Variants in SH2B3 observed in about 807,000 individuals in gnomAD.
The protein encoded by SH2B3 is SH2B adaptor protein 3.
Under a neutral mutation model 51.9 loss-of-function variants are expected in SH2B3, and 43 were observed. The observed-to-expected ratio is 0.83, with a 90% CI of 0.65 to 1.07. SH2B3 has a LOEUF of 1.07. Ranked by LOEUF, SH2B3 falls within the 50% of genes least tolerant of loss-of-function variation. SH2B3 has a pLI of 0.00. For synonymous variants in SH2B3, 396 were observed against 376.0 expected, an observed-to-expected ratio of 1.05 and a Z score of -0.62; for missense variants, 952 against 834.3, an observed-to-expected ratio of 1.14 and a Z score of -1.74.
chr12:111,417,200 G>A (rs941769367), intron 1 of SH2B3, among the ~76,000 whole-genome samples: 27 of 152,146 alleles, frequency 1.8e-4, no homozygotes, highest in African/African-American at 6.3e-4. Flanking sequence ...TCCAGCTGGT[G>A]GGCATTTAGG....
chr12:111,412,210 C>T (rs569144212), intron 1 of SH2B3, among the ~76,000 whole-genome samples: 1 of 152,198 alleles, frequency 6.6e-6, no homozygotes, highest in Non-Finnish European at 1.5e-5. Flanking sequence ...ACATAGTAAG[C>T]ACTCAATAAA....
rs969455453 is a variant in SH2B3, at chr12:111,435,075, A to G, written c.733-11678A>G. 9 of 1,449,808 alleles carry G rather than the reference A, an allele frequency of 6.2e-6. No homozygotes were observed. The highest frequency in any genetic ancestry group is 8.4e-6 in the Non-Finnish European group (9 of 1,070,814). 89.8% of individuals were successfully genotyped at this position (1,449,808 alleles called of 1,614,324 possible). A position where few individuals can be genotyped will look rare whatever the true frequency, so the allele number is the denominator to read the frequency against. ...TGGGGCTTTGGGGATCTTGGTGGTG[A>G]TGAGTCCCCTCTCCTCTGGTGCACT... On this transcript the variant is annotated intron_variant, in intron 2 of 7. Coordinates refer to ENST00000341259, the MANE Select transcript of SH2B3 (RefSeq NM_005475.3). The surrounding 1 kb of genome is among the most constrained non-coding windows in gnomAD (Gnocchi z 4.8).
chr12:111,443,145 C>T (rs1055402792), intron 2 of SH2B3, among the ~76,000 whole-genome samples: 16 of 152,250 alleles, frequency 1.1e-4, no homozygotes, highest in African/African-American at 1.7e-4. Context: ...GGTCTGTTGC[C>T]TCCAGCCCGT....
At chr12:111,421,401 CTTTTTTTTTT>C in intron 2 of SH2B3, among the ~76,000 whole-genome samples, 1 of 90,642 alleles carries the variant, frequency 1.1e-5, no homozygotes, top group Admixed American at 1.1e-4. Flanking sequence ...TAGTGTCTTC[CTTTTTTTTTT>C]TTTTTTTTTT....
At position 111,418,492 on chromosome 12, in the gene SH2B3, C is replaced by T. The variant is rs1871265366; in HGVS notation, c.347C>T (p.Pro116Leu). 1 of 1,373,612 alleles carries T rather than the reference C, an allele frequency of 7.3e-7. No homozygotes were observed. Among genetic ancestry groups the T allele is most frequent in the African/African-American group, 1.6e-5 (1 of 64,238 alleles). The allele number at this position is 1,373,612 out of a possible 1,614,324, so 85.1% of individuals were successfully genotyped here. A position where few individuals can be genotyped will look rare whatever the true frequency, so the allele number is the denominator to read the frequency against. ...CCCGGCCCCGCCGCCCCTGGCCTGCCCAAGGCCCGCAGCTCTGAGGAGCTG... is the reference window on the plus strand; with the variant it reads ...CCCGGCCCCGCCGCCCCTGGCCTGCTCAAGGCCCGCAGCTCTGAGGAGCTG... ...PGPGPAAPGL[P>L]KARSSEELAP... Residue 116 changes from proline (P) to leucine (L), a missense_variant, in exon 2 of 8, where the codon CCC becomes CTC. Coordinates refer to ENST00000341259, the MANE Select transcript of SH2B3 (RefSeq NM_005475.3). This position sits in a 1 kb window ranked among gnomAD's most constrained non-coding sequence, Gnocchi z 6.7.
At chr12:111,424,805 T>C (rs1335075280) in intron 2 of SH2B3, among the ~76,000 whole-genome samples, 5 of 152,168 alleles carry the variant, frequency 3.3e-5, no homozygotes, top group Non-Finnish European at 7.4e-5. Context: ...TCAACTGTGA[T>C]CCCTGACCTC....
Position 111,450,991 on chromosome 12 carries a change from C to T in SH2B3, c.*2689C>T, listed in dbSNP as rs1348925769. ...AACTGGACAGTAGACATCATGATCC[C>T]TCCAGTTAGCTCTAATTACAGACCC... On this transcript the variant is annotated 3_prime_UTR_variant, in exon 8 of 8. Coordinates refer to ENST00000341259, the MANE Select transcript of SH2B3 (RefSeq NM_005475.3). 2 of 152,668 alleles carry T rather than the reference C, an allele frequency of 1.3e-5. No individual in the cohort carries two copies. The highest frequency in any genetic ancestry group is 4.8e-5 in the African/African-American group (2 of 41,436). 9.5% of individuals were successfully genotyped at this position (152,668 alleles called of 1,614,324 possible).
At position 111,447,547 on chromosome 12, in the gene SH2B3, ATGGGGTGGGG is replaced by A. The variant is rs111340708; in HGVS notation, c.1236+19_1236+28del. On this transcript the variant is annotated splice_donor_5th_base_variant and intron_variant, in intron 6 of 7. Coordinates refer to ENST00000341259, the MANE Select transcript of SH2B3 (RefSeq NM_005475.3). ...TCAACTTTCAGGGGATAGCCAAGGT[ATGGGGTGGGG>A]TGGGGTGGGGTGGGGCAGGCAGGAC... 1,850 of 586,872 alleles carry A rather than the reference ATGGGGTGGGG, an allele frequency of 3.2e-3. 28 individuals carry two copies. The highest frequency in any genetic ancestry group is 6.4e-3 in the South Asian group (360 of 55,956). 36.4% of individuals were successfully genotyped at this position (586,872 alleles called of 1,614,324 possible). A position where few individuals can be genotyped will look rare whatever the true frequency, so the allele number is the denominator to read the frequency against.
At position 111,435,228 on chromosome 12, in the gene SH2B3, G is replaced by C. The variant is rs1268364371; in HGVS notation, c.733-11525G>C. ...GAGCTGGTCCTGGCTTTGTGGCAGGGGGATGGGCCGTCGGTGCCCCATTCA... is the reference window on the plus strand; with the variant it reads ...GAGCTGGTCCTGGCTTTGTGGCAGGCGGATGGGCCGTCGGTGCCCCATTCA... On this transcript the variant is annotated intron_variant, in intron 2 of 7. Coordinates refer to ENST00000341259, the MANE Select transcript of SH2B3 (RefSeq NM_005475.3). This position sits in a 1 kb window ranked among gnomAD's most constrained non-coding sequence, Gnocchi z 4.8. 6.6e-6 allele frequency among the ~76,000 whole-genome samples: 1 copy of C among 152,226 alleles called. No individual in the cohort carries two copies. The highest frequency in any genetic ancestry group is 6.5e-5 in the Admixed American group (1 of 15,280).
intron 2 of SH2B3, among the ~76,000 whole-genome samples, chr12:111,423,583 G>C (rs1160954337): frequency 6.6e-6 from 1 of 152,128 alleles, no homozygotes; most frequent in Non-Finnish European, 1.5e-5. Flanking sequence ...TGTTAGCCCG[G>C]ATGGTTTCGA....
rs1870578774 is a variant in SH2B3, at chr12:111,410,131, G to A, written c.-28+3854G>A. Among the ~76,000 whole-genome samples the A allele has an allele frequency of 6.6e-6, 1 of 152,168 alleles. No homozygotes were observed. The highest frequency in any genetic ancestry group is 1.5e-5 in the Non-Finnish European group (1 of 68,000). On this transcript the variant is annotated intron_variant, in intron 1 of 7. Coordinates refer to ENST00000341259, the MANE Select transcript of SH2B3 (RefSeq NM_005475.3). The surrounding 1 kb of genome is among the most constrained non-coding windows in gnomAD (Gnocchi z 4.9). ...GAGGCCTGGGAGGAAGGAAGTCTAT[G>A]CCCTCCTCACAGGGGCTGACTCACA...
chr12:111,440,967 C>T (rs2135594533), intron 2 of SH2B3, among the ~76,000 whole-genome samples: 1 of 152,302 alleles, frequency 6.6e-6, no homozygotes, highest in East Asian at 1.9e-4. Flanking sequence ...CTCATATTCT[C>T]AGGGAAGGGT....
rs1401142169 is a variant in SH2B3, at chr12:111,438,892, G to C, written c.733-7861G>C. ...AGTGGAGGCCAGTGTGGCTGGATCAGAGCGAGGGAGGGAGGCCCAAGAGGC... is the reference window on the plus strand; with the variant it reads ...AGTGGAGGCCAGTGTGGCTGGATCACAGCGAGGGAGGGAGGCCCAAGAGGC... On this transcript the variant is annotated intron_variant, in intron 2 of 7. Coordinates refer to ENST00000341259, the MANE Select transcript of SH2B3 (RefSeq NM_005475.3). This position sits in a 1 kb window ranked among gnomAD's most constrained non-coding sequence, Gnocchi z 4.2. Among the ~76,000 whole-genome samples the C allele has an allele frequency of 2.6e-5, 4 of 152,230 alleles. No individual in the cohort carries two copies. Among genetic ancestry groups the C allele is most frequent in the Admixed American group, 2.6e-4 (4 of 15,292 alleles).
At chr12:111,425,868 G>T (rs1241172260) in intron 2 of SH2B3, among the ~76,000 whole-genome samples, 3 of 152,202 alleles carry the variant, frequency 2.0e-5, no homozygotes, top group African/African-American at 7.2e-5. Flanking sequence ...TGGGGGAAAG[G>T]TGACATGCCT....
At chr12:111,424,953 G>A (rs113898949) in intron 2 of SH2B3, among the ~76,000 whole-genome samples, 11 of 152,328 alleles carry the variant, frequency 7.2e-5, no homozygotes, top group African/African-American at 2.6e-4. Context: ...TGCAGGAGAG[G>A]GAGCAGATGT....
chr12:111,421,401 CTTTTT>C (rs550860498), intron 2 of SH2B3, among the ~76,000 whole-genome samples: 45 of 90,604 alleles, frequency 5.0e-4, no homozygotes, highest in Non-Finnish European at 8.3e-4. Context: ...TAGTGTCTTC[CTTTTT>C]TTTTTTTTTT....
chr12:111,417,756 C>CT (rs1264677620), intron 1 of SH2B3, among the ~76,000 whole-genome samples: 3 of 152,076 alleles, frequency 2.0e-5, no homozygotes, highest in Non-Finnish European at 2.9e-5. Context: ...CGACCTCAGC[C>CT]TTTATATAGG....
In SH2B3 at chr12:111,449,489, A is replaced by AATCT. The variant is rs1175456990; in HGVS notation, c.*1196_*1199dup. ...CTGGCTACTGCTTCACTGGATTGAG[A>AATCT]ATCTATCTATCTCCTTGCACACATG... is the stretch of plus-strand genomic sequence containing the variant. On this transcript the variant is annotated 3_prime_UTR_variant, in exon 8 of 8. Coordinates refer to ENST00000341259, the MANE Select transcript of SH2B3 (RefSeq NM_005475.3). 4.6e-5 allele frequency: 7 copies of AATCT among 152,320 alleles called. No individual in the cohort carries two copies. The East Asian group carries it at 7.7e-4, about 17-fold the overall frequency. The allele number at this position is 152,320 out of a possible 1,614,324, so 9.4% of individuals were successfully genotyped here.
intron 2 of SH2B3, among the ~76,000 whole-genome samples, chr12:111,428,942 G>A (rs1043710577): frequency 7.9e-5 from 12 of 152,096 alleles, no homozygotes; most frequent in Middle Eastern, 3.4e-3. Flanking sequence ...ATGCCTCCGG[G>A]TGTGGGAAAG....
Sources: allele counts gnomAD v4.1 joint callset (sites outside exome capture counted in the v4.1 genomes callset), GRCh38; gene constraint gnomAD v4.1.1; non-coding constraint Gnocchi (gnomAD v3.1); transcripts MANE v1.5; gene names NCBI Gene and HGNC (gene_info 2026-07-23, HGNC 2026-07-21).